Variants in ALK observed in about 807,000 individuals in gnomAD.
ALK encodes the protein ALK tyrosine kinase receptor.
ALK carries 74 observed loss-of-function variants against 163.1 expected under a neutral mutation model. That is an observed-to-expected ratio of 0.45 (90% CI 0.38 to 0.55). ALK has a LOEUF of 0.55. Among genes scored for constraint, ALK ranks in the 20% least tolerant of loss-of-function variants. The probability of loss-of-function intolerance (pLI) is 0.00; values close to 1 mark genes in which losing one functional copy is unlikely to be tolerated. For missense variants in ALK, 2,063 were observed against 2,105.3 expected, an observed-to-expected ratio of 0.98 and a Z score of 0.39; for synonymous variants, 960 against 843.2, an observed-to-expected ratio of 1.14 and a Z score of -2.40.
intron 5 of ALK, among the ~76,000 whole-genome samples, chr2:29,359,342 C>T (rs1668335237): frequency 6.6e-6 from 1 of 152,172 alleles, no homozygotes; most frequent in South Asian, 2.1e-4. Flanking sequence ...CACCTCCACC[C>T]ACTTTAAGTT....
chr2:29,910,371 T>A lies in ALK; in HGVS notation c.667+9622A>T, dbSNP rs1239665671. Among the ~76,000 whole-genome samples the A allele has an allele frequency of 2.0e-5, 3 of 152,140 alleles. No individual in the cohort carries two copies. In the East Asian group the frequency reaches 5.8e-4, roughly 29 times the overall value. On this transcript the variant is annotated intron_variant, in intron 1 of 28. Transcript: ENST00000389048. ...AGAAAAAAAATGAACAGACCCTTAA[T>A]AAAGTACGGGAACCATAAAAGTATA...
intron 11 of ALK, among the ~76,000 whole-genome samples, chr2:29,263,275 G>T (rs1053676100): frequency 6.6e-6 from 1 of 152,184 alleles, no homozygotes; most frequent in East Asian, 1.9e-4. Flanking sequence ...CTGTTGTAAG[G>T]TTCACTAGCA....
rs141005736 is a variant in ALK, at chr2:29,856,655, A to G, written c.667+63338T>C. On this transcript the variant is annotated intron_variant, in intron 1 of 28. Coordinates refer to ENST00000389048, the MANE Select transcript of ALK (RefSeq NM_004304.5). ...GACCAGAAGTGGGTCAAGTGGTGCC[A>G]TCCTCTGTCTGCCTACGATGTGCAC... Among the ~76,000 whole-genome samples, 333 of 152,322 alleles carry G rather than the reference A, an allele frequency of 2.2e-3. 4 individuals are homozygous for G. The highest frequency in any genetic ancestry group is 7.6e-3 in the African/African-American group (318 of 41,576).
At chr2:29,255,317 A>C (rs1182484145) in intron 11 of ALK, among the ~76,000 whole-genome samples, 1 of 152,166 alleles carries the variant, frequency 6.6e-6, no homozygotes, top group Non-Finnish European at 1.5e-5. Flanking sequence ...AGAGAATGTC[A>C]CAGCACAGTG....
At chr2:29,240,131 G>A (rs1343216916) in intron 12 of ALK, among the ~76,000 whole-genome samples, 1 of 144,708 alleles carries the variant, frequency 6.9e-6, no homozygotes, top group East Asian at 2.0e-4. Context: ...AGAGAAGGAG[G>A]GGAGAGAGAG....
At chr2:29,482,401 A>G (rs1018507479) in intron 4 of ALK, among the ~76,000 whole-genome samples, 1 of 152,188 alleles carries the variant, frequency 6.6e-6, no homozygotes, top group African/African-American at 2.4e-5. Flanking sequence ...CACTTCTTCA[A>G]GGTGAAGGAG....
intron 5 of ALK, among the ~76,000 whole-genome samples, chr2:29,346,098 G>A (rs1667940876): frequency 6.6e-6 from 1 of 152,188 alleles, no homozygotes; most frequent in African/African-American, 2.4e-5. Context: ...AAGCATGAGT[G>A]AGTCAGTCCT....
chr2:29,403,789 G>C (rs767911443), intron 4 of ALK, among the ~76,000 whole-genome samples: 5 of 148,710 alleles, frequency 3.4e-5, no homozygotes, highest in Non-Finnish European at 7.4e-5. Flanking sequence ...GTGTATGCTT[G>C]TAATACCAGC....
At chr2:29,702,539 C>G (rs1352753524) in intron 2 of ALK, among the ~76,000 whole-genome samples, 1 of 152,232 alleles carries the variant, frequency 6.6e-6, no homozygotes, top group Non-Finnish European at 1.5e-5. Flanking sequence ...GCCAAAGCCA[C>G]AAGTGCAATA....
chr2:29,799,466 A>G (rs912424313), intron 1 of ALK, among the ~76,000 whole-genome samples: 3 of 152,190 alleles, frequency 2.0e-5, no homozygotes, highest in Non-Finnish European at 2.9e-5. Flanking sequence ...CCAGAGTTTG[A>G]GACCAGCCTG....
chr2:29,488,593 A>G (rs1671832205), intron 4 of ALK, among the ~76,000 whole-genome samples: 1 of 152,224 alleles, frequency 6.6e-6, no homozygotes, highest in Non-Finnish European at 1.5e-5. Flanking sequence ...TTGGTTGAAA[A>G]AAATCAAAGA....
chr2:29,518,741 G>A (rs1459975360), intron 4 of ALK, among the ~76,000 whole-genome samples: 1 of 152,148 alleles, frequency 6.6e-6, no homozygotes, highest in South Asian at 2.1e-4. Flanking sequence ...AAGTGAAGAA[G>A]AGATATAAAA....
intron 1 of ALK, among the ~76,000 whole-genome samples, chr2:29,870,901 G>C (rs573401962): frequency 2.0e-5 from 3 of 152,262 alleles, no homozygotes; most frequent in Non-Finnish European, 4.4e-5. Flanking sequence ...AAGTGTTTTA[G>C]GTCTTTGATA....
intron 1 of ALK, among the ~76,000 whole-genome samples, chr2:29,861,626 G>T (rs1163101628): frequency 6.6e-6 from 1 of 152,080 alleles, no homozygotes; most frequent in East Asian, 1.9e-4. Context: ...TAAAAAGATT[G>T]AATCAGTAAT....
intron 19 of ALK, chr2:29,224,629 T>G (rs926588227): frequency 4.4e-6 from 1 of 226,398 alleles, no homozygotes; most frequent in African/African-American, 2.2e-5. Context: ...CGCTATGTGC[T>G]CAGTTCCCTC....
chr2:29,266,977 G>C (rs1030927430), intron 11 of ALK, among the ~76,000 whole-genome samples: 1 of 152,176 alleles, frequency 6.6e-6, no homozygotes, highest in African/African-American at 2.4e-5. Context: ...CTCCCTTTGA[G>C]TATAGGTGAG....
At chr2:29,598,093 T>C (rs1385335830) in intron 3 of ALK, among the ~76,000 whole-genome samples, 1 of 152,236 alleles carries the variant, frequency 6.6e-6, no homozygotes, top group Non-Finnish European at 1.5e-5. Context: ...AATGGTGCGA[T>C]CTTGGCTCAC....
chr2:29,486,031 G>A (rs1671769182), intron 4 of ALK, among the ~76,000 whole-genome samples: 2 of 152,132 alleles, frequency 1.3e-5, no homozygotes, highest in Non-Finnish European at 2.9e-5. Flanking sequence ...CCAGAGCTCA[G>A]CTGGCCTGCA....
At chr2:29,314,835 G>C (rs1316868) in intron 8 of ALK, among the ~76,000 whole-genome samples, 1,779 of 152,140 alleles carry the variant, frequency 0.012, 33 homozygotes, top group East Asian at 0.05. Flanking sequence ...TGTGTGAAAG[G>C]CAGGGGGCTG....
Sources: allele counts gnomAD v4.1 joint callset (sites outside exome capture counted in the v4.1 genomes callset), GRCh38; gene constraint gnomAD v4.1.1; transcripts MANE v1.5; gene names NCBI Gene and HGNC (gene_info 2026-07-23, HGNC 2026-07-21).